Variants in ATG10 observed in about 807,000 individuals in gnomAD.
ATG10 encodes ubiquitin-like-conjugating enzyme ATG10.
In ATG10, 30 loss-of-function variants were observed where a neutral mutation model predicts 32.1. That is an observed-to-expected ratio of 0.94 (90% CI 0.70 to 1.27). The LOEUF (loss-of-function observed/expected upper bound fraction) is 1.27. ATG10 is among the 50% of genes most tolerant of loss of function. The pLI, the probability that ATG10 is intolerant of heterozygous loss-of-function variation, is 0.00. For synonymous variants in ATG10, 87 were observed against 91.5 expected (o/e 0.95, Z 0.28); for missense variants, 233 against 262.3 (o/e 0.89, Z 0.77).
chr5:82,171,683 A>C (rs1304174444), intron 4 of ATG10, among the ~76,000 whole-genome samples: 1 of 152,246 alleles, frequency 6.6e-6, no homozygotes, highest in Non-Finnish European at 1.5e-5. Flanking sequence ...GCATCTGCTT[A>C]ATGCTATGGA....
chr5:82,076,385 T>C (rs1764273554), intron 3 of ATG10, among the ~76,000 whole-genome samples: 2 of 152,232 alleles, frequency 1.3e-5, no homozygotes, highest in Non-Finnish European at 2.9e-5. Context: ...TAAAATCTTT[T>C]CAACAGTATT....
At chr5:82,021,882 G>A (rs1356127951) in intron 2 of ATG10, among the ~76,000 whole-genome samples, 2 of 152,100 alleles carry the variant, frequency 1.3e-5, no homozygotes. Flanking sequence ...AATTAGCCAG[G>A]CGTGGTGGCG....
intron 5 of ATG10, among the ~76,000 whole-genome samples, chr5:82,216,709 A>G (rs1335991812): frequency 6.6e-6 from 1 of 152,214 alleles, no homozygotes; most frequent in East Asian, 1.9e-4. Flanking sequence ...AATAAAACTC[A>G]TGCTATTAGG....
intron 4 of ATG10, among the ~76,000 whole-genome samples, chr5:82,171,862 A>G (rs565830830): frequency 7.2e-5 from 11 of 152,348 alleles, no homozygotes; most frequent in African/African-American, 2.6e-4. Flanking sequence ...AGGCATGGAT[A>G]TGTTTCTGAA....
chr5:82,120,967 G>A (rs1356947684), intron 3 of ATG10, among the ~76,000 whole-genome samples: 2 of 152,116 alleles, frequency 1.3e-5, no homozygotes, highest in Non-Finnish European at 2.9e-5. Context: ...TTTGAACTTT[G>A]CTTATAAATA....
chr5:82,125,769 C>G (rs2407055), intron 3 of ATG10, among the ~76,000 whole-genome samples: 85,012 of 151,354 alleles, frequency 0.56, 24,407 homozygotes, highest in Middle Eastern at 0.61. Flanking sequence ...TCTTTTTTTG[C>G]TTCCATATGA....
At chr5:82,253,227 AT>A in intron 6 of ATG10, 86 bp from the exon 7 acceptor site, 1 of 868,498 alleles carries the variant, frequency 1.2e-6, no homozygotes, top group Non-Finnish European at 1.9e-6. Context: ...CACTTTTGTT[AT>A]TGTTGGTGAC....
rs183597522 is a variant in ATG10, at chr5:82,086,964, A to G, written c.216+28362A>G. Among the ~76,000 whole-genome samples, 307 of 152,316 alleles carry G rather than the reference A, an allele frequency of 2.0e-3. 1 individual carries two copies. Among genetic ancestry groups the G allele is most frequent in the African/African-American group, 6.9e-3 (287 of 41,574 alleles). On this transcript the variant is annotated intron_variant, in intron 3 of 7. Coordinates refer to ENST00000282185, the MANE Select transcript of ATG10 (RefSeq NM_031482.5). ...TATATTTGTAAGAGTTTTAGAGTCT[A>G]GATCGTATTTTGTTACAATGAGAAA...
At chr5:82,001,676 A>G (rs747816751) in intron 2 of ATG10, among the ~76,000 whole-genome samples, 2 of 152,240 alleles carry the variant, frequency 1.3e-5, no homozygotes, top group Admixed American at 6.5e-5. Flanking sequence ...AGCAAAAACT[A>G]TAAAAACTCT....
In ATG10 at chr5:82,240,203, A is replaced by G. The variant is rs142365705; in HGVS notation, c.454-12359A>G. On this transcript the variant is annotated intron_variant, in intron 5 of 7. Coordinates refer to ENST00000282185, the MANE Select transcript of ATG10 (RefSeq NM_031482.5). Reference sequence around the variant, plus strand: ...CAAAAGAAAGGAAATCAGCATGTGAAAGAGATATCTGCACTCCTATGTTTA... The same window carrying G: ...CAAAAGAAAGGAAATCAGCATGTGAGAGAGATATCTGCACTCCTATGTTTA... 6.3e-3 allele frequency among the ~76,000 whole-genome samples: 962 copies of G among 152,326 alleles called. 8 individuals carry two copies. Among genetic ancestry groups the G allele is most frequent in the Non-Finnish European group, 8.2e-3 (557 of 68,022 alleles).
chr5:82,213,956 T>G (rs930621087), intron 5 of ATG10, among the ~76,000 whole-genome samples: 1 of 152,210 alleles, frequency 6.6e-6, no homozygotes, highest in Non-Finnish European at 1.5e-5. Context: ...CCTTAGATAT[T>G]GTATACTAAG....
At chr5:82,146,811 CAATATG>C (rs1767377357) in intron 3 of ATG10, among the ~76,000 whole-genome samples, 1 of 151,914 alleles carries the variant, frequency 6.6e-6, no homozygotes. Flanking sequence ...TTTTTAAAAT[CAATATG>C]AATATATTTT....
chr5:82,058,180 G>A (rs1005439379), intron 2 of ATG10, among the ~76,000 whole-genome samples: 3 of 152,146 alleles, frequency 2.0e-5, no homozygotes, highest in Non-Finnish European at 4.4e-5. Context: ...TTAATTATGT[G>A]ACAAGCTATT....
At chr5:82,171,147 A>G (rs1743792877) in intron 4 of ATG10, among the ~76,000 whole-genome samples, 1 of 152,068 alleles carries the variant, frequency 6.6e-6, no homozygotes, top group Non-Finnish European at 1.5e-5. Context: ...TATGTCCTTT[A>G]CTAGGTTAAG....
intron 3 of ATG10, among the ~76,000 whole-genome samples, chr5:82,139,508 G>A (rs1354914979): frequency 3.4e-5 from 5 of 146,076 alleles, no homozygotes; most frequent in Admixed American, 2.7e-4. Context: ...CATCTGGGAT[G>A]TGAGGAGCGC....
At chr5:82,024,652 C>G (rs758169747) in intron 2 of ATG10, among the ~76,000 whole-genome samples, 14 of 152,264 alleles carry the variant, frequency 9.2e-5, no homozygotes, top group Middle Eastern at 6.8e-3. Context: ...TCCCTTTGCC[C>G]TATAACATAA....
chr5:82,013,851 TG>T (rs751448217), intron 2 of ATG10, among the ~76,000 whole-genome samples: 11 of 152,300 alleles, frequency 7.2e-5, no homozygotes, highest in Admixed American at 5.2e-4. Flanking sequence ...TTGATGGGAT[TG>T]TTTTTTTTTC....
intron 2 of ATG10, among the ~76,000 whole-genome samples, chr5:82,040,276 C>A (rs1211620193): frequency 2.6e-5 from 4 of 151,966 alleles, no homozygotes; most frequent in Non-Finnish European, 4.4e-5. Context: ...AACAGAAATA[C>A]AAAATAAAGG....
chr5:82,051,663 A>G (rs1382452562), intron 2 of ATG10, among the ~76,000 whole-genome samples: 1 of 152,082 alleles, frequency 6.6e-6, no homozygotes, highest in Non-Finnish European at 1.5e-5. Context: ...ATGCATCTGG[A>G]AGGTGTAACA....
Sources: gnomAD v4.1 joint callset for allele counts (sites outside exome capture counted in the v4.1 genomes callset) on GRCh38, gnomAD v4.1.1 for gene constraint, MANE v1.5 for transcripts, NCBI Gene and HGNC (gene_info 2026-07-23, HGNC 2026-07-21) for gene names.